MPRIP: variants seen among roughly 807,000 people sequenced by gnomAD.
MPRIP encodes myosin phosphatase Rho interacting protein.
In MPRIP, 59 loss-of-function variants were observed where a neutral mutation model predicts 234.9. The ratio of observed to expected loss-of-function variants is 0.25; its 90% CI spans 0.20 to 0.31. The LOEUF (loss-of-function observed/expected upper bound fraction) is 0.31. Ranked by LOEUF, MPRIP falls within the 10% of genes least tolerant of loss-of-function variation. The pLI is 1.00. For synonymous variants in MPRIP, 1,144 were observed against 1,263.9 expected (o/e 0.91, Z 2.01); for missense variants, 2,436 against 3,071.0 (o/e 0.79, Z 4.89).
At chr17:17,062,932 C>T (rs950876802) in intron 1 of MPRIP, among the ~76,000 whole-genome samples, 1 of 152,214 alleles carries the variant, frequency 6.6e-6, no homozygotes, top group Non-Finnish European at 1.5e-5. Flanking sequence ...CCAGCTTTGT[C>T]CACACCCTGT....
chr17:17,085,587 A>C (rs560344209), intron 3 of MPRIP, among the ~76,000 whole-genome samples: 1 of 152,322 alleles, frequency 6.6e-6, no homozygotes, highest in African/African-American at 2.4e-5. Flanking sequence ...CTCCCTCATC[A>C]ACAACCCCTG....
chr17:17,077,073 C>T (rs1206640188), intron 2 of MPRIP: 1 of 151,398 alleles, frequency 6.6e-6, no homozygotes, highest in Non-Finnish European at 1.5e-5. Context: ...TCCTGAGTAG[C>T]TGGGGCTACA....
chr17:17,100,543 C>T (rs2089939631), intron 3 of MPRIP, among the ~76,000 whole-genome samples: 1 of 152,138 alleles, frequency 6.6e-6, no homozygotes, highest in African/African-American at 2.4e-5. Flanking sequence ...AGGTGAGTGG[C>T]AGGCGAGCTA....
At chr17:17,104,484 G>T (rs2090024392) in intron 3 of MPRIP, among the ~76,000 whole-genome samples, 1 of 152,158 alleles carries the variant, frequency 6.6e-6, no homozygotes, top group African/African-American at 2.4e-5. Context: ...TGCCAGCTGG[G>T]TGGCCGTGTC....
chr17:17,073,030 G>A lies in MPRIP; in HGVS notation c.124-2680G>A, dbSNP rs1164733281. ...CAACTGATGTGCAGCCATCATCACAGTCACTTTTAGAACATTACATCATCG... is the reference window on the plus strand; with the variant it reads ...CAACTGATGTGCAGCCATCATCACAATCACTTTTAGAACATTACATCATCG... On this transcript the variant is annotated intron_variant, in intron 1 of 23. Transcript: ENST00000651222. Among the ~76,000 whole-genome samples the A allele has an allele frequency of 2.0e-5, 3 of 152,222 alleles. No individual in the cohort carries two copies. In the South Asian group the frequency reaches 6.2e-4, roughly 32 times the overall value.
chr17:17,075,905 A>AT, intron 2 of MPRIP, 118 bp downstream of exon 2: 3 of 959,194 alleles, frequency 3.1e-6, no homozygotes, highest in Non-Finnish European at 3.3e-6. Context: ...GGATAGCAGG[A>AT]CCAGCAGGGC....
chr17:17,173,173 G>A (rs1567776039), intron 18 of MPRIP, among the ~76,000 whole-genome samples: 1 of 152,274 alleles, frequency 6.6e-6, no homozygotes, highest in African/African-American at 2.4e-5. Context: ...CAGGGCAGAA[G>A]TGAGAACTAG....
chr17:17,089,494 G>T (rs552644084), intron 3 of MPRIP, among the ~76,000 whole-genome samples: 1 of 151,460 alleles, frequency 6.6e-6, no homozygotes, highest in South Asian at 2.1e-4. Flanking sequence ...TAGAGATTGG[G>T]TTTTTTTTTG....
intron 16 of MPRIP, among the ~76,000 whole-genome samples, chr17:17,169,276 C>T (rs1035820797): frequency 6.6e-5 from 10 of 152,192 alleles, no homozygotes; most frequent in African/African-American, 9.6e-5. Context: ...ACCCCAAATA[C>T]GCTTGCTAGT....
At position 17,075,689 on chromosome 17, in the gene MPRIP, G is replaced by A. The variant is rs766330511; in HGVS notation, c.124-21G>A. The A allele has an allele frequency of 9.9e-6, 16 of 1,610,764 alleles. No individual in the cohort carries two copies. In the Admixed American group the frequency reaches 2.5e-4, roughly 25 times the overall value. On this transcript the variant is annotated intron_variant, in intron 1 of 23. Transcript: ENST00000651222. ...CTGGGTTGAAGGCTGCTGGTGACCT[G>A]CCCTCTTTTTTCTCCTCTAGGCAAA...
intron 1 of MPRIP, among the ~76,000 whole-genome samples, chr17:17,071,978 C>T (rs927122538): frequency 3.3e-5 from 5 of 152,178 alleles, no homozygotes; most frequent in African/African-American, 1.2e-4. Context: ...GCAGCATTTC[C>T]AGAGCACACT....
chr17:17,150,323 A>T, intron 12 of MPRIP, 90 bp downstream of exon 12: 1 of 941,534 alleles, frequency 1.1e-6, no homozygotes, highest in Non-Finnish European at 1.7e-6. Flanking sequence ...GCACTTCTGG[A>T]CAGGCCTGAT....
intron 1 of MPRIP, among the ~76,000 whole-genome samples, chr17:17,074,782 G>A (rs564014273): frequency 2.0e-5 from 3 of 152,216 alleles, no homozygotes; most frequent in African/African-American, 4.8e-5. Flanking sequence ...TCATGTTTTC[G>A]GGGTTCCTCG....
intron 1 of MPRIP, among the ~76,000 whole-genome samples, chr17:17,059,942 A>C (rs1345543228): frequency 6.6e-6 from 1 of 152,126 alleles, no homozygotes; most frequent in East Asian, 1.9e-4. Flanking sequence ...TAAGACAATA[A>C]ATTACGTTGA....
chr17:17,164,717 A>G lies in MPRIP; in HGVS notation c.3126A>G (p.Glu1042=), dbSNP rs141374652. 1 of 1,292,910 alleles carries G rather than the reference A, an allele frequency of 7.7e-7. No individual in the cohort carries two copies. The highest frequency in any genetic ancestry group is 5.6e-5 in the East Asian group (1 of 17,952). 80.1% of individuals were successfully genotyped at this position (1,292,910 alleles called of 1,614,324 possible). ...EKQALLQNLK[E]VEDKASAYED... is the part of the protein sequence containing the mutation. Reference sequence around the variant, plus strand: ...AGGCATTGCTGCAGAACCTAAAGGAAGTGGAAGACAAGGCCAGCGCCTATG... The same window carrying G: ...AGGCATTGCTGCAGAACCTAAAGGAGGTGGAAGACAAGGCCAGCGCCTATG... Residue 1042 remains glutamate, a synonymous_variant, in exon 16 of 24, where the codon GAA becomes GAG. Coordinates refer to ENST00000651222, the MANE Select transcript of MPRIP (RefSeq NM_001364716.4).
intron 10 of MPRIP, 57 bp downstream of exon 10, chr17:17,146,149 G>T: frequency 1.3e-6 from 2 of 1,511,920 alleles, no homozygotes; most frequent in Non-Finnish European, 1.8e-6. Flanking sequence ...GTGAGGGTGA[G>T]CTGTCCTTGT....
intron 3 of MPRIP, among the ~76,000 whole-genome samples, chr17:17,109,657 AC>A (rs2090131103): frequency 6.6e-6 from 1 of 152,158 alleles, no homozygotes; most frequent in South Asian, 2.1e-4. Context: ...AAGCTGTGAG[AC>A]CCGCGAAACA....
chr17:17,166,149 C>T lies in MPRIP; in HGVS notation c.4558C>T (p.Gln1520Ter). Residue 1520 changes from glutamine (Q) to a stop codon, truncating the protein, a stop_gained, in exon 16 of 24, where the codon CAG (glutamine) becomes TAG (stop). Transcript: ENST00000651222. LOFTEE classifies it high-confidence loss of function. The surrounding 1 kb of genome is among the most constrained non-coding windows in gnomAD (Gnocchi z 4.4). ...SALVSAIQALQHWPAPAHGGA... is the reference protein window; with the variant it reads ...SALVSAIQAL ...ACTCGTCAGCGCCATCCAAGCCCTG[C>T]AGCACTGGCCGGCCCCAGCCCATGG... 1 of 1,302,454 alleles carries T rather than the reference C, an allele frequency of 7.7e-7. No homozygotes were observed. Among genetic ancestry groups the T allele is most frequent in the Non-Finnish European group, 1.0e-6 (1 of 987,956 alleles). 80.7% of individuals were successfully genotyped at this position (1,302,454 alleles called of 1,614,324 possible). A position where few individuals can be genotyped will look rare whatever the true frequency, so the allele number is the denominator to read the frequency against.
intron 1 of MPRIP, among the ~76,000 whole-genome samples, chr17:17,072,672 G>A (rs2089225153): frequency 6.6e-6 from 1 of 152,146 alleles, no homozygotes; most frequent in Admixed American, 6.5e-5. Flanking sequence ...GAGGCTGGGG[G>A]AGGCTGCGCA....
Sources: gnomAD v4.1 joint callset for allele counts (sites outside exome capture counted in the v4.1 genomes callset) on GRCh38, gnomAD v4.1.1 for gene constraint, Gnocchi (gnomAD v3.1) non-coding constraint, MANE v1.5 for transcripts, NCBI Gene and HGNC (gene_info 2026-07-23, HGNC 2026-07-21) for gene names.